The following AKAP9 variants were observed in gnomAD, a reference collection of about 807,000 sequenced individuals.
AKAP9 encodes A-kinase anchoring protein 9.
AKAP9 carries 311 observed loss-of-function variants against 488.5 expected under a neutral mutation model. That is an observed-to-expected ratio of 0.64 (90% CI 0.58 to 0.70). The LOEUF (loss-of-function observed/expected upper bound fraction) is 0.70, where lower values mean the gene tolerates loss of function less well. AKAP9 is among the 30% of genes least tolerant of loss of function. AKAP9 has a pLI of 0.00. For synonymous variants in AKAP9, 1,462 were observed against 1,483.5 expected (o/e 0.99, Z 0.33); for missense variants, 4,215 against 4,374.5 (o/e 0.96, Z 1.03).
Position 92,002,506 on chromosome 7 carries a change from G to A in AKAP9, c.2589G>A (p.Glu863=), listed in dbSNP as rs147158224. The change falls in exon 8 of 50, where the codon GAG becomes GAA. Residue 863 remains glutamate, a synonymous_variant. Coordinates refer to ENST00000356239, the MANE Select transcript of AKAP9 (RefSeq NM_005751.5). ...AAAACTTTGAAGTTAACTATCAAGA[G>A]TTACAAGAGGAGTATGCTTGCCTTC... ...AEKNFEVNYQ[E]LQEEYACLLK... is the part of the protein sequence containing the mutation. 321 of 1,611,110 alleles carry A rather than the reference G, an allele frequency of 2.0e-4. 1 individual carries two copies. The highest frequency in any genetic ancestry group is 1.6e-3 in the Admixed American group (97 of 59,722).
chr7:91,953,924 T>G (rs757771517), intron 1 of AKAP9, among the ~76,000 whole-genome samples: 22 of 152,136 alleles, frequency 1.4e-4, no homozygotes, highest in Non-Finnish European at 5.9e-5. Context: ...TGTTTCTTTT[T>G]TAACATAAAA....
intron 43 of AKAP9, 107 bp downstream of exon 43, chr7:92,098,321 AT>A: frequency 1.5e-6 from 1 of 649,698 alleles, no homozygotes; most frequent in Non-Finnish European, 2.7e-6. Context: ...ATAGAGTTTT[AT>A]TTGTATCTTT....
rs1479901490 is a variant in AKAP9 at position 92,003,036 on chromosome 7, A to G, written c.3119A>G (p.Lys1040Arg). Residue 1040 changes from lysine (K) to arginine (R), a missense_variant, in exon 8 of 50, where the codon AAA (lysine) becomes AGA (arginine). This residue lies in a region of AKAP9 where 2,361 missense variants were observed against 2,430.0 expected (regional missense o/e 0.97). Coordinates refer to ENST00000356239, the MANE Select transcript of AKAP9 (RefSeq NM_005751.5). The stretch of plus-strand genomic sequence containing the variant: ...GAAGGATCAGTTTCTAAAGTAAATA[A>G]AAGTTTTGGTGAAGAATCAAAAATA... ...GAEGSVSKVNKSFGEESKIMV... is the reference protein window; with the variant it reads ...GAEGSVSKVNRSFGEESKIMV... 1.2e-6 allele frequency: 2 copies of G among 1,613,448 alleles called. No homozygotes were observed. The highest frequency in any genetic ancestry group is 1.7e-5 in the Admixed American group (1 of 59,954).
At chr7:91,973,605 A>G in intron 1 of AKAP9, 106 bp from the exon 2 acceptor site, 1 of 1,160,048 alleles carries the variant, frequency 8.6e-7, no homozygotes, top group South Asian at 1.4e-5. Flanking sequence ...ATTTTTATTT[A>G]GTGATAGTTT....
intron 33 of AKAP9, 105 bp downstream of exon 33, chr7:92,083,760 T>A: frequency 1.7e-6 from 2 of 1,188,944 alleles, no homozygotes; most frequent in African/African-American, 1.5e-5. Flanking sequence ...TGCAACTCAT[T>A]AAGGCACTTG....
At chr7:92,021,172 T>C (rs182584069) in intron 12 of AKAP9, among the ~76,000 whole-genome samples, 1 of 152,368 alleles carries the variant, frequency 6.6e-6, no homozygotes, top group African/African-American at 2.4e-5. Context: ...AAATCAAAAC[T>C]GACTTCCATA....
At chr7:91,967,208 A>G in intron 1 of AKAP9, among the ~76,000 whole-genome samples, 1 of 152,100 alleles carries the variant, frequency 6.6e-6, no homozygotes, top group East Asian at 1.9e-4. Flanking sequence ...CAGTTCTAAC[A>G]GTTTTTGGTG....
At position 92,065,314 on chromosome 7, in the gene AKAP9, AAAC is replaced by A; in HGVS notation, c.6064_6066del (p.Gln2022del). ...TGAAAAAGTACGTGATGACCTTCAA[AAAC>A]AAGTGAAAGCTCTAGAAATAGATGT... On this transcript the variant is annotated inframe_deletion, in exon 25 of 50. Coordinates refer to ENST00000356239, the MANE Select transcript of AKAP9 (RefSeq NM_005751.5). The A allele has an allele frequency of 6.2e-7, 1 of 1,613,272 alleles. No individual in the cohort carries two copies. Among genetic ancestry groups the A allele is most frequent in the Non-Finnish European group, 8.5e-7 (1 of 1,179,558 alleles).
intron 1 of AKAP9, among the ~76,000 whole-genome samples, chr7:91,961,615 C>CG (rs1562899801): frequency 6.6e-6 from 1 of 151,830 alleles, no homozygotes; most frequent in African/African-American, 2.4e-5. Context: ...GAGGCCTAGG[C>CG]GGGCGGATCA....
At chr7:91,942,692 T>C (rs1293054449) in intron 1 of AKAP9, among the ~76,000 whole-genome samples, 1 of 152,232 alleles carries the variant, frequency 6.6e-6, no homozygotes, top group East Asian at 1.9e-4. Flanking sequence ...CATACACATT[T>C]CATAATAGAG....
chr7:91,998,418 C>CTTTTTTTTTT lies in AKAP9; in HGVS notation c.931-2402_931-2393dup, dbSNP rs60778133. ...AGATAGTGTATTCAACCACAGGGCTCTTTTTTTTTTTTTTTTTTTTTTTTT... is the reference window on the plus strand; with the variant it reads ...AGATAGTGTATTCAACCACAGGGCTCTTTTTTTTTTTTTTTTTTTTTTTTTTTTTTTTTTT... On this transcript the variant is annotated intron_variant, in intron 7 of 49. Coordinates refer to ENST00000356239, the MANE Select transcript of AKAP9 (RefSeq NM_005751.5). Among the ~76,000 whole-genome samples the CTTTTTTTTTT allele has an allele frequency of 3.1e-3, 168 of 53,984 alleles. 52 individuals carry two copies. Among genetic ancestry groups the CTTTTTTTTTT allele is most frequent in the Non-Finnish European group, 5.4e-3 (136 of 25,222 alleles). The allele number at this position is 53,984 out of a possible 152,430, so 35.4% of individuals were successfully genotyped here. A position where few individuals can be genotyped will look rare whatever the true frequency, so the allele number is the denominator to read the frequency against.
chr7:91,959,637 T>C (rs891587879), intron 1 of AKAP9, among the ~76,000 whole-genome samples: 4 of 152,156 alleles, frequency 2.6e-5, no homozygotes, highest in African/African-American at 7.2e-5. Flanking sequence ...GGCAGTGAAA[T>C]TGTGTTAAAA....
chr7:91,983,359 T>C (rs1481481273), intron 3 of AKAP9, among the ~76,000 whole-genome samples: 2 of 152,196 alleles, frequency 1.3e-5, no homozygotes, highest in African/African-American at 4.8e-5. Flanking sequence ...GCTTCATCCA[T>C]GTCCCTGCAA....
intron 1 of AKAP9, among the ~76,000 whole-genome samples, chr7:91,958,464 C>T (rs540408305): frequency 6.5e-4 from 99 of 152,254 alleles, no homozygotes; most frequent in African/African-American, 2.2e-3. Context: ...CCGTTCTTCT[C>T]ACTGTTCATT....
intron 45 of AKAP9, among the ~76,000 whole-genome samples, chr7:92,101,431 C>T (rs971876159): frequency 8.0e-6 from 1 of 125,464 alleles, no homozygotes; most frequent in Non-Finnish European, 1.7e-5. Flanking sequence ...AGTGAGACTC[C>T]GTCTCAAAAA....
At chr7:91,995,233 G>A (rs961587547) in intron 6 of AKAP9, among the ~76,000 whole-genome samples, 5 of 152,212 alleles carry the variant, frequency 3.3e-5, no homozygotes, top group African/African-American at 1.2e-4. Flanking sequence ...GCAAAAGGGA[G>A]GTACTTAGTG....
chr7:91,992,155 C>T lies in AKAP9; in HGVS notation c.352-3C>T. On this transcript the variant is annotated splice_polypyrimidine_tract_variant and splice_region_variant and intron_variant, in intron 3 of 49. Transcript: ENST00000356239. ...AATATATCAGGAAATTGTTTTTATACAGGTAAATGGTTGCAGTTTTGTGAT... is the reference window on the plus strand; with the variant it reads ...AATATATCAGGAAATTGTTTTTATATAGGTAAATGGTTGCAGTTTTGTGAT... 6.2e-7 allele frequency: 1 copy of T among 1,605,238 alleles called. No homozygotes were observed. Among genetic ancestry groups the T allele is most frequent in the Non-Finnish European group, 8.5e-7 (1 of 1,172,168 alleles).
At chr7:91,960,397 G>A in intron 1 of AKAP9, among the ~76,000 whole-genome samples, 1 of 152,166 alleles carries the variant, frequency 6.6e-6, no homozygotes, top group Non-Finnish European at 1.5e-5. Flanking sequence ...GAGAATGCAT[G>A]GAAAGCAAAT....
intron 23 of AKAP9, 111 bp downstream of exon 23, chr7:92,061,533 T>G: frequency 9.1e-7 from 1 of 1,094,722 alleles, no homozygotes; most frequent in Non-Finnish European, 1.3e-6. Flanking sequence ...GAATGACCAT[T>G]AAAAAGTACT....
Sources: gnomAD v4.1 joint callset for allele counts (sites outside exome capture counted in the v4.1 genomes callset) on GRCh38, gnomAD v4.1.1 for gene constraint, gnomAD v4.1.1 regional missense constraint, MANE v1.5 for transcripts, NCBI Gene and HGNC (gene_info 2026-07-23, HGNC 2026-07-21) for gene names.